RAB17: variants seen among roughly 807,000 people sequenced by gnomAD.
RAB17 encodes RAB17, member RAS oncogene family, also known as ras-related protein Rab-17.
In RAB17, 15 loss-of-function variants were observed where a neutral mutation model predicts 19.3. The ratio of observed to expected loss-of-function variants is 0.78; its 90% CI spans 0.52 to 1.20. The LOEUF (loss-of-function observed/expected upper bound fraction) is 1.20, where lower values mean the gene tolerates loss of function less well. Among genes scored for constraint, RAB17 ranks in the 50% most tolerant of loss-of-function variants. The probability of loss-of-function intolerance (pLI) is 0.00; values close to 1 mark genes in which losing one functional copy is unlikely to be tolerated. For synonymous variants in RAB17, 110 were observed against 112.8 expected, an observed-to-expected ratio of 0.97 and a Z score of 0.16; for missense variants, 262 against 269.3, an observed-to-expected ratio of 0.97 and a Z score of 0.19.
At chr2:237,589,841 G>A (rs1310313909) in intron 1 of RAB17, among the ~76,000 whole-genome samples, 3 of 152,098 alleles carry the variant, frequency 2.0e-5, no homozygotes, top group Admixed American at 6.5e-5. Flanking sequence ...GAAAAAAAAC[G>A]GAGAGCAAAT....
intron 2 of RAB17, chr2:237,579,215 T>TA (rs2081290068): frequency 6.6e-6 from 1 of 152,198 alleles, no homozygotes; most frequent in Non-Finnish European, 1.5e-5. Context: ...GGATTGGGTT[T>TA]GGGGTCTGTT....
At chr2:237,589,769 C>T (rs1179808137) in intron 1 of RAB17, among the ~76,000 whole-genome samples, 2 of 152,124 alleles carry the variant, frequency 1.3e-5, no homozygotes, top group Non-Finnish European at 2.9e-5. Context: ...TCAAGACTGG[C>T]GCTTCTCTAG....
chr2:237,581,858 T>C (rs2081311266), intron 2 of RAB17, among the ~76,000 whole-genome samples: 1 of 152,254 alleles, frequency 6.6e-6, no homozygotes, highest in Admixed American at 6.5e-5. Context: ...TAGTTGTGGC[T>C]TCAGCTGGCA....
At chr2:237,579,381 A>C (rs2081291353) in intron 2 of RAB17, 1 of 152,220 alleles carries the variant, frequency 6.6e-6, no homozygotes, top group African/African-American at 2.4e-5. Flanking sequence ...CCAGAGGTCC[A>C]AAACTGATGC....
chr2:237,584,103 A>AT (rs2081329929), intron 2 of RAB17, among the ~76,000 whole-genome samples: 2 of 151,864 alleles, frequency 1.3e-5, no homozygotes, highest in South Asian at 4.2e-4. Flanking sequence ...CTCGCGCCTC[A>AT]TTGTCGGGGC....
intron 4 of RAB17, 44 bp downstream of exon 4, chr2:237,577,213 C>A (rs1322022260): frequency 6.3e-7 from 1 of 1,579,798 alleles, no homozygotes; most frequent in South Asian, 1.1e-5. Context: ...GGGCAGGGCT[C>A]TCTCCTGCTG....
chr2:237,579,460 CT>C (rs766841251), intron 2 of RAB17: 1 of 152,246 alleles, frequency 6.6e-6, no homozygotes, highest in Non-Finnish European at 1.5e-5. Context: ...GCTTCAGGGG[CT>C]GCCGGCAACC....
chr2:237,577,019 T>A (rs1185229018), intron 4 of RAB17, among the ~76,000 whole-genome samples: 5 of 151,918 alleles, frequency 3.3e-5, no homozygotes, highest in African/African-American at 1.2e-4. Context: ...TGGAAAGCTG[T>A]GTGTGTGTGC....
Position 237,574,923 on chromosome 2 carries a change from A to G in RAB17, c.*96T>C. On this transcript the variant is annotated 3_prime_UTR_variant, in exon 6 of 6. Coordinates refer to ENST00000264601, the MANE Select transcript of RAB17 (RefSeq NM_022449.4). ...CTTCCAGGAACATCTAGGGCTCGGG[A>G]GCAACCCAGCATTGACAGTGAATCA... 2 of 1,024,814 alleles carry G rather than the reference A, an allele frequency of 2.0e-6. No homozygotes were observed. The highest frequency in any genetic ancestry group is 2.8e-6 in the Non-Finnish European group (2 of 724,306). The allele number at this position is 1,024,814 out of a possible 1,614,324, so 63.5% of individuals were successfully genotyped here. A position where few individuals can be genotyped will look rare whatever the true frequency, so the allele number is the denominator to read the frequency against.
intron 1 of RAB17, among the ~76,000 whole-genome samples, chr2:237,587,608 G>A (rs780163421): frequency 3.9e-5 from 6 of 152,148 alleles, no homozygotes; most frequent in Non-Finnish European, 7.4e-5. Context: ...CAAGAAGATC[G>A]TTCTAGAGAG....
rs1268964249 is a variant in RAB17 at position 237,576,558 on chromosome 2, T to TG, written c.435+698dup. 6.4e-6 allele frequency: 3 copies of TG among 471,058 alleles called. No individual in the cohort carries two copies. The Admixed American group carries it at 7.0e-5, about 11-fold the overall frequency. The allele number at this position is 471,058 out of a possible 1,614,324, so 29.2% of individuals were successfully genotyped here. ...ATCTCTCCACAGCCTCCATTGAAGC[T>TG]GGGGCCTTTTCTCTTTGGGAGGCGC... On this transcript the variant is annotated intron_variant, in intron 4 of 5. Transcript: ENST00000264601.
chr2:237,579,389 T>G (rs1399965807), intron 2 of RAB17: 1 of 152,194 alleles, frequency 6.6e-6, no homozygotes, highest in Admixed American at 6.5e-5. Flanking sequence ...CCAAAACTGA[T>G]GCGTTGGCTG....
At chr2:237,588,369 C>G (rs1235691405) in intron 1 of RAB17, among the ~76,000 whole-genome samples, 1 of 152,218 alleles carries the variant, frequency 6.6e-6, no homozygotes, top group Non-Finnish European at 1.5e-5. Context: ...AGAAACAAAT[C>G]TTTGTTCTTT....
chr2:237,576,706 G>A (rs1380188924), intron 4 of RAB17: 2 of 471,250 alleles, frequency 4.2e-6, no homozygotes, highest in Non-Finnish European at 8.8e-6. Context: ...TGTGGTGGGG[G>A]AGGTGGGATG....
chr2:237,577,878 A>T, intron 3 of RAB17, 126 bp downstream of exon 3: 1 of 1,069,710 alleles, frequency 9.3e-7, no homozygotes, highest in East Asian at 2.4e-5. Flanking sequence ...ATCCTGGAGG[A>T]GGTGACTGTT....
chr2:237,581,869 A>T (rs1259556798), intron 2 of RAB17, among the ~76,000 whole-genome samples: 1 of 152,246 alleles, frequency 6.6e-6, no homozygotes, highest in African/African-American at 2.4e-5. Context: ...TCAGCTGGCA[A>T]ATGTGCACAC....
chr2:237,581,401 AAATTTTATTTTTTTAATTT>A (rs2081307792), intron 2 of RAB17, among the ~76,000 whole-genome samples: 1 of 151,772 alleles, frequency 6.6e-6, no homozygotes, highest in Admixed American at 6.6e-5. Flanking sequence ...TTCCTCTACT[AAATTTTATTTTTTTAATTT>A]AATTTTATTT....
chr2:237,584,457 C>G (rs1359168350), intron 2 of RAB17, among the ~76,000 whole-genome samples: 5 of 152,140 alleles, frequency 3.3e-5, no homozygotes, highest in African/African-American at 1.2e-4. Flanking sequence ...ACTGCTGCAA[C>G]CACTCAACCC....
rs1450299605 is a variant in RAB17, at chr2:237,574,678, T to C, written c.*341A>G. On this transcript the variant is annotated 3_prime_UTR_variant, in exon 6 of 6. Coordinates refer to ENST00000264601, the MANE Select transcript of RAB17 (RefSeq NM_022449.4). ...TCAGACGTAAGGCATCTTCCCACCG[T>C]CGCTGTGCTGCGGGGACTTTTCCAA... 18 of 1,449,898 alleles carry C rather than the reference T, an allele frequency of 1.2e-5. No homozygotes were observed. The highest frequency in any genetic ancestry group is 1.5e-5 in the Non-Finnish European group (17 of 1,099,676). 89.8% of individuals were successfully genotyped at this position (1,449,898 alleles called of 1,614,324 possible). A position where few individuals can be genotyped will look rare whatever the true frequency, so the allele number is the denominator to read the frequency against.
Sources: gnomAD v4.1 joint callset for allele counts (sites outside exome capture counted in the v4.1 genomes callset) on GRCh38, gnomAD v4.1.1 for gene constraint, MANE v1.5 for transcripts, NCBI Gene and HGNC (gene_info 2026-07-23, HGNC 2026-07-21) for gene names.